The following RBFOX1 variants were observed in gnomAD, a reference collection of about 807,000 sequenced individuals.
RBFOX1 encodes the protein RNA binding fox-1 homolog 1, also known as RNA binding protein fox-1 homolog 1.
Under a neutral mutation model 57.7 loss-of-function variants are expected in RBFOX1, and 8 were observed. That is an observed-to-expected ratio of 0.14 (90% CI 0.08 to 0.25). The LOEUF is 0.25. Ranked by LOEUF, RBFOX1 falls within the 10% of genes least tolerant of loss-of-function variation. The probability of loss-of-function intolerance (pLI) is 1.00; values close to 1 mark genes in which losing one functional copy is unlikely to be tolerated. For missense variants in RBFOX1, 611 were observed against 548.5 expected (o/e 1.11, Z -1.14); for synonymous variants, 326 against 222.4 (o/e 1.47, Z -4.15).
intron 1 of RBFOX1, among the ~76,000 whole-genome samples, chr16:6,122,762 G>T (rs933268379): frequency 1.3e-5 from 2 of 151,380 alleles, no homozygotes; most frequent in African/African-American, 4.9e-5. Context: ...CATCCATTCT[G>T]CTGGGTTGCG....
At chr16:7,115,074 C>T (rs890024830) in intron 4 of RBFOX1, among the ~76,000 whole-genome samples, 8 of 152,168 alleles carry the variant, frequency 5.3e-5, no homozygotes, top group Admixed American at 3.3e-4. Context: ...GAAAAATATT[C>T]CAAAGCCTTT....
intron 4 of RBFOX1, among the ~76,000 whole-genome samples, chr16:5,979,322 G>A (rs1027030824): frequency 6.6e-6 from 1 of 152,130 alleles, no homozygotes; most frequent in Non-Finnish European, 1.5e-5. Flanking sequence ...GGAATGAATG[G>A]GAGACTCGGA....
intron 2 of RBFOX1, among the ~76,000 whole-genome samples, chr16:6,532,113 A>T (rs777835075): frequency 3.3e-5 from 5 of 152,124 alleles, no homozygotes; most frequent in Non-Finnish European, 5.9e-5. Flanking sequence ...CATTGGCCAG[A>T]CTTAGGCAAT....
At chr16:6,876,475 C>T (rs998063065) in intron 3 of RBFOX1, among the ~76,000 whole-genome samples, 2 of 152,148 alleles carry the variant, frequency 1.3e-5, no homozygotes, top group Non-Finnish European at 2.9e-5. Flanking sequence ...TGGTTTTTGT[C>T]ACTATTTTAT....
chr16:6,954,717 G>T (rs1043076469), intron 3 of RBFOX1, among the ~76,000 whole-genome samples: 1 of 152,092 alleles, frequency 6.6e-6, no homozygotes, highest in Non-Finnish European at 1.5e-5. Flanking sequence ...TCTAGCCATA[G>T]GTGAGGAGAT....
chr16:5,386,559 G>C (rs1174000992), intron 1 of RBFOX1, among the ~76,000 whole-genome samples: 3 of 152,064 alleles, frequency 2.0e-5, no homozygotes, highest in African/African-American at 7.2e-5. Flanking sequence ...TAACTCACTG[G>C]CCATCTCACT....
chr16:6,065,701 G>T (rs1022259772), intron 1 of RBFOX1, among the ~76,000 whole-genome samples: 5 of 152,116 alleles, frequency 3.3e-5, no homozygotes, highest in African/African-American at 4.8e-5. Flanking sequence ...TTTGAATTCT[G>T]CCCCTTCCTC....
Position 6,139,720 on chromosome 16 carries a change from C to G in RBFOX1, c.-127+119728C>G, listed in dbSNP as rs549351149. ...TACTAGCCTCTTTCTTGCTCTCTTC[C>G]TCACTCTTTCTGTTTCTTGGTCGTT... On this transcript the variant is annotated intron_variant, in intron 1 of 15. Coordinates refer to ENST00000550418, the MANE Select transcript of RBFOX1 (RefSeq NM_018723.4). 7.4e-4 allele frequency among the ~76,000 whole-genome samples: 112 copies of G among 152,314 alleles called. 1 individual carries two copies. The highest frequency in any genetic ancestry group is 2.5e-3 in the African/African-American group (106 of 41,572).
intron 4 of RBFOX1, among the ~76,000 whole-genome samples, chr16:7,168,857 TACTTTCAAATAGG>T (rs1567548390): frequency 6.6e-6 from 1 of 152,216 alleles, no homozygotes; most frequent in Admixed American, 6.5e-5. Context: ...TGAACAAATA[TACTTTCAAATAGG>T]AGGAGTGTGC....
At chr16:6,978,750 C>G (rs898084930) in intron 3 of RBFOX1, among the ~76,000 whole-genome samples, 1 of 152,190 alleles carries the variant, frequency 6.6e-6, no homozygotes, top group Non-Finnish European at 1.5e-5. Context: ...GGATTCGAAC[C>G]CCAGATTTGA....
intron 3 of RBFOX1, among the ~76,000 whole-genome samples, chr16:5,621,259 G>A (rs1234266929): frequency 6.6e-6 from 1 of 152,184 alleles, no homozygotes; most frequent in East Asian, 1.9e-4. Flanking sequence ...TAACAGGCAT[G>A]AGCCACCATG....
intron 1 of RBFOX1, among the ~76,000 whole-genome samples, chr16:5,274,374 C>A (rs1441552860): frequency 1.3e-5 from 2 of 152,042 alleles, no homozygotes; most frequent in African/African-American, 2.4e-5. Flanking sequence ...ACTAAAAATA[C>A]AAAAATTAGC....
chr16:7,389,954 AAG>A (rs1367427290), intron 4 of RBFOX1, among the ~76,000 whole-genome samples: 1 of 152,322 alleles, frequency 6.6e-6, no homozygotes, highest in East Asian at 1.9e-4. Flanking sequence ...TTATAAAGGA[AAG>A]AGGTTTAATT....
intron 2 of RBFOX1, among the ~76,000 whole-genome samples, chr16:5,501,054 C>T (rs2043177154): frequency 6.6e-6 from 1 of 151,982 alleles, no homozygotes; most frequent in East Asian, 1.9e-4. Flanking sequence ...GGTGTTTCAC[C>T]CCTGTAATCC....
At chr16:6,425,468 G>C (rs1358385380) in intron 2 of RBFOX1, among the ~76,000 whole-genome samples, 1 of 152,178 alleles carries the variant, frequency 6.6e-6, no homozygotes, top group African/African-American at 2.4e-5. Context: ...ATTTCTGTGG[G>C]CTTGGGATTA....
intron 4 of RBFOX1, among the ~76,000 whole-genome samples, chr16:5,923,920 T>C (rs1465222150): frequency 6.6e-6 from 1 of 152,138 alleles, no homozygotes; most frequent in Non-Finnish European, 1.5e-5. Flanking sequence ...CCTACTGACA[T>C]GGTTTGTCTG....
At chr16:7,211,888 A>G (rs2091214378) in intron 4 of RBFOX1, among the ~76,000 whole-genome samples, 1 of 152,144 alleles carries the variant, frequency 6.6e-6, no homozygotes, top group Admixed American at 6.5e-5. Flanking sequence ...ATAAAATTAG[A>G]AATGTGCTGG....
intron 3 of RBFOX1, among the ~76,000 whole-genome samples, chr16:6,976,989 T>C (rs2087106025): frequency 7.0e-6 from 1 of 143,552 alleles, no homozygotes; most frequent in African/African-American, 2.5e-5. Flanking sequence ...ATCATATATA[T>C]CACATGCCAT....
chr16:6,162,705 G>T (rs902856301), intron 1 of RBFOX1, among the ~76,000 whole-genome samples: 6 of 152,068 alleles, frequency 3.9e-5, no homozygotes, highest in Non-Finnish European at 7.4e-5. Flanking sequence ...ACACATGGAG[G>T]GGAATGGGCA....
Sources: gnomAD v4.1 joint callset for allele counts (sites outside exome capture counted in the v4.1 genomes callset) on GRCh38, gnomAD v4.1.1 for gene constraint, MANE v1.5 for transcripts, NCBI Gene and HGNC (gene_info 2026-07-23, HGNC 2026-07-21) for gene names.